The following NDE1 variants were observed in gnomAD, a reference collection of about 807,000 sequenced individuals.
NDE1 encodes the protein nudE neurodevelopment protein 1, also known as nuclear distribution protein nudE homolog 1.
In NDE1, 28 loss-of-function variants were observed where a neutral mutation model predicts 43.4. That is an observed-to-expected ratio of 0.65 (90% CI 0.48 to 0.89). NDE1 has a LOEUF of 0.89. NDE1 is among the 40% of genes least tolerant of loss of function. The probability of loss-of-function intolerance (pLI) is 0.00; values close to 1 mark genes in which losing one functional copy is unlikely to be tolerated. For synonymous variants in NDE1, 184 were observed against 172.0 expected (o/e 1.07, Z -0.55); for missense variants, 441 against 434.1 (o/e 1.02, Z -0.14).
chr16:15,717,443 C>A, intron 8 of NDE1: 1 of 1,325,442 alleles, frequency 7.5e-7, no homozygotes, highest in Non-Finnish European at 1.1e-6. Flanking sequence ...GGCCTCTGCA[C>A]GAGTCCCTTG....
intron 8 of NDE1, chr16:15,708,968 A>G: frequency 9.8e-7 from 1 of 1,019,760 alleles, no homozygotes. Context: ...TTTTATTTTG[A>G]GATAGTCTCT....
chr16:15,690,449 C>A (rs1438589934), intron 5 of NDE1, among the ~76,000 whole-genome samples: 3 of 133,274 alleles, frequency 2.3e-5, no homozygotes, highest in Non-Finnish European at 4.6e-5. Flanking sequence ...CCTCGACTTA[C>A]TGGATTAATG....
chr16:15,694,920 C>T, intron 7 of NDE1: 3 of 984,690 alleles, frequency 3.0e-6, no homozygotes, highest in Non-Finnish European at 3.6e-6. Flanking sequence ...ACCTGTAATC[C>T]CAGTGCTTTG....
At chr16:15,721,617 T>C (rs1457638897) in intron 8 of NDE1, 1 of 1,614,064 alleles carries the variant, frequency 6.2e-7, no homozygotes, top group Non-Finnish European at 8.5e-7. Flanking sequence ...AAGAGATGTT[T>C]TTCTCCTCGG....
At chr16:15,658,075 A>G (rs2036858603) in intron 1 of NDE1, among the ~76,000 whole-genome samples, 1 of 152,136 alleles carries the variant, frequency 6.6e-6, no homozygotes, top group East Asian at 1.9e-4. Flanking sequence ...TATTGTCAGG[A>G]CCCAGGCTCT....
At chr16:15,682,153 C>T (rs1007826487) in intron 4 of NDE1, among the ~76,000 whole-genome samples, 4 of 152,152 alleles carry the variant, frequency 2.6e-5, no homozygotes, top group African/African-American at 9.7e-5. Context: ...AAGCCCAGTT[C>T]ACCATTATAG....
chr16:15,690,415 T>G, intron 5 of NDE1, among the ~76,000 whole-genome samples: 1 of 125,878 alleles, frequency 7.9e-6, no homozygotes, highest in East Asian at 2.5e-4. Flanking sequence ...CAGGCTGAAG[T>G]GGTATGATCA....
Position 15,724,674 on chromosome 16 carries a change from C to G in NDE1, c.*423C>G, listed in dbSNP as rs748585013. 6.2e-7 allele frequency: 1 copy of G among 1,614,220 alleles called. No individual in the cohort carries two copies. ...GGATGTTGAGAGTGGAGATGTGGCG[C>G]TCCAGGTTCTGCTTGGCCTCCATCT... On this transcript the variant is annotated 3_prime_UTR_variant, in exon 9 of 9. Coordinates refer to ENST00000396354, the MANE Select transcript of NDE1 (RefSeq NM_017668.3).
intron 1 of NDE1, among the ~76,000 whole-genome samples, chr16:15,658,441 T>C (rs1437006439): frequency 6.6e-6 from 1 of 152,138 alleles, no homozygotes; most frequent in Non-Finnish European, 1.5e-5. Context: ...TCATCGTGGG[T>C]TAGGCCCACC....
Position 15,687,525 on chromosome 16 carries a change from G to C in NDE1, c.523+14G>C. On this transcript the variant is annotated intron_variant, in intron 5 of 8. Coordinates refer to ENST00000396354, the MANE Select transcript of NDE1 (RefSeq NM_017668.3). ...ATGAAGCCAGAGGTCAGGAGGCCTT[G>C]GTGTCTTCACCAGCATGGTCCCCTC... 2 of 1,609,118 alleles carry C rather than the reference G, an allele frequency of 1.2e-6. No homozygotes were observed. Among genetic ancestry groups the C allele is most frequent in the South Asian group, 1.1e-5 (1 of 90,942 alleles).
intron 8 of NDE1, chr16:15,717,061 GA>G: frequency 6.9e-7 from 1 of 1,444,614 alleles, no homozygotes; most frequent in Admixed American, 1.7e-5. Context: ...GATGCTGGAA[GA>G]GGTTCCCTGA....
chr16:15,667,260 C>T (rs546796731), intron 2 of NDE1, 26 bp from the exon 3 acceptor site: 20 of 1,613,198 alleles, frequency 1.2e-5, no homozygotes, highest in Middle Eastern at 1.7e-4. Flanking sequence ...AATATTACTA[C>T]GTGATGATTA....
In NDE1 at chr16:15,677,861, C is replaced by G. The variant is rs1294452861; in HGVS notation, c.298C>G (p.Leu100Val). The G allele has an allele frequency of 1.9e-6, 3 of 1,614,116 alleles. No homozygotes were observed. The East Asian group carries it at 6.7e-5, about 36-fold the overall frequency. The change falls in exon 4 of 9, where the codon CTC (leucine) becomes GTC (valine). Residue 100 changes from leucine (L) to valine (V), a missense_variant. Transcript: ENST00000396354. ...YRQISALEDD[L>V]AQTKAIKDQL... Reference sequence around the variant, plus strand: ...GCAGATCTCAGCCTTGGAGGATGACCTCGCGCAGACCAAAGCCATTAAAGA... The same window carrying G: ...GCAGATCTCAGCCTTGGAGGATGACGTCGCGCAGACCAAAGCCATTAAAGA...
intron 1 of NDE1, among the ~76,000 whole-genome samples, chr16:15,662,900 C>G (rs924193161): frequency 3.3e-5 from 5 of 152,036 alleles, no homozygotes; most frequent in Non-Finnish European, 7.4e-5. Context: ...TTCTTTCTTG[C>G]ATTGCTGCAG....
chr16:15,670,056 A>G (rs571902976), intron 3 of NDE1, among the ~76,000 whole-genome samples: 6 of 152,024 alleles, frequency 3.9e-5, no homozygotes, highest in African/African-American at 1.4e-4. Context: ...CTTCATAAAC[A>G]TCCGACAGGC....
At chr16:15,710,928 T>C (rs2039754920) in intron 8 of NDE1, among the ~76,000 whole-genome samples, 1 of 152,192 alleles carries the variant, frequency 6.6e-6, no homozygotes, top group African/African-American at 2.4e-5. Context: ...TCAGCCCACC[T>C]CAGCCTCCCA....
intron 8 of NDE1, chr16:15,720,373 C>T (rs1278900721): frequency 6.4e-7 from 1 of 1,564,648 alleles, no homozygotes; most frequent in African/African-American, 1.4e-5. Flanking sequence ...TTTGGCTCAC[C>T]TAGGCAGCAC....
chr16:15,667,602 G>T (rs186058222), intron 3 of NDE1, among the ~76,000 whole-genome samples, 163 bp downstream of exon 3: 238 of 150,076 alleles, frequency 1.6e-3, no homozygotes, highest in Admixed American at 3.5e-3. Context: ...TGAACTCTTT[G>T]TGCCTCTAGT....
chr16:15,698,346 G>A (rs1015560016), intron 8 of NDE1, among the ~76,000 whole-genome samples: 9 of 151,464 alleles, frequency 5.9e-5, no homozygotes, highest in South Asian at 2.1e-4. Flanking sequence ...GCAGTGAGCC[G>A]TGTTCCCAGC....
Sources: gnomAD v4.1 joint callset for allele counts (sites outside exome capture counted in the v4.1 genomes callset) on GRCh38, gnomAD v4.1.1 for gene constraint, MANE v1.5 for transcripts, NCBI Gene and HGNC (gene_info 2026-07-23, HGNC 2026-07-21) for gene names.